ABCD3: variants seen among roughly 807,000 people sequenced by gnomAD.
The protein encoded by ABCD3 is ATP binding cassette subfamily D member 3, also known as ATP-binding cassette sub-family D member 3.
Under a neutral mutation model 105.5 loss-of-function variants are expected in ABCD3, and 41 were observed. The ratio of observed to expected loss-of-function variants is 0.39; its 90% CI spans 0.30 to 0.50. The LOEUF is 0.50. ABCD3 is among the 20% of genes least tolerant of loss of function. The pLI is 0.84. For synonymous variants in ABCD3, 258 were observed against 269.0 expected, an observed-to-expected ratio of 0.96 and a Z score of 0.40; for missense variants, 622 against 806.3, an observed-to-expected ratio of 0.77 and a Z score of 2.77.
intron 1 of ABCD3, among the ~76,000 whole-genome samples, chr1:94,428,076 T>G (rs988956939): frequency 6.6e-6 from 1 of 150,882 alleles, no homozygotes; most frequent in South Asian, 2.1e-4. Context: ...GGTGTTTTGT[T>G]TTTTTTTTTA....
At chr1:94,474,177 A>G (rs1217359984) in intron 5 of ABCD3, among the ~76,000 whole-genome samples, 2 of 147,090 alleles carry the variant, frequency 1.4e-5, no homozygotes, top group Non-Finnish European at 3.0e-5. Context: ...CCCTTCTCCT[A>G]GTTCTAACAA....
intron 4 of ABCD3, among the ~76,000 whole-genome samples, chr1:94,470,353 C>G (rs542424796): frequency 2.0e-5 from 3 of 152,162 alleles, no homozygotes; most frequent in South Asian, 2.1e-4. Flanking sequence ...TGGGCCCCAC[C>G]ACTAGAGATT....
chr1:94,484,141 C>T (rs1217258793), intron 10 of ABCD3, among the ~76,000 whole-genome samples: 2 of 151,938 alleles, frequency 1.3e-5, no homozygotes, highest in African/African-American at 4.8e-5. Context: ...CAGGAAACAA[C>T]GTGCTGGAGA....
chr1:94,444,014 C>G (rs750749270), intron 1 of ABCD3, among the ~76,000 whole-genome samples: 2 of 151,780 alleles, frequency 1.3e-5, no homozygotes, highest in Non-Finnish European at 2.9e-5. Context: ...TTTTTTATTT[C>G]ATTATTTTTT....
chr1:94,419,939 C>G (rs975459487), intron 1 of ABCD3, among the ~76,000 whole-genome samples: 1 of 152,086 alleles, frequency 6.6e-6, no homozygotes, highest in African/African-American at 2.4e-5. Context: ...CTCCCAGTTG[C>G]AAATAGAAGT....
At chr1:94,481,448 A>C (rs1311075463) in intron 9 of ABCD3, 5 of 152,296 alleles carry the variant, frequency 3.3e-5, no homozygotes, top group African/African-American at 4.8e-5. Flanking sequence ...TTTGCCAAGT[A>C]AATGAAAGAT....
At chr1:94,400,276 G>A in the ABCD3 span, among the ~76,000 whole-genome samples, 1 of 151,924 alleles carries the variant, frequency 6.6e-6, no homozygotes, top group East Asian at 1.9e-4. Context: ...CAGCTTGGTG[G>A]CAGCTGCAAC....
intron 20 of ABCD3, among the ~76,000 whole-genome samples, chr1:94,506,153 T>C (rs2101054569): frequency 6.6e-6 from 1 of 152,290 alleles, no homozygotes; most frequent in African/African-American, 2.4e-5. Context: ...CAACAAAATA[T>C]TTAAAATAGA....
At chr1:94,401,949 T>C in the ABCD3 span, among the ~76,000 whole-genome samples, 1 of 152,242 alleles carries the variant, frequency 6.6e-6, no homozygotes, top group Non-Finnish European at 1.5e-5. Flanking sequence ...AGTTCCTTCA[T>C]GCCATCTTCC....
the ABCD3 span, among the ~76,000 whole-genome samples, chr1:94,388,657 C>T: frequency 6.6e-6 from 1 of 152,096 alleles, no homozygotes; most frequent in Non-Finnish European, 1.5e-5. Flanking sequence ...ATTCAGATCA[C>T]GTGGCCACAG....
chr1:94,498,508 G>A, intron 16 of ABCD3, 94 bp from the exon 17 acceptor site: 1 of 1,254,582 alleles, frequency 8.0e-7, no homozygotes, highest in African/African-American at 1.5e-5. Context: ...TAATTAGCCA[G>A]GAGCTATTAA....
At chr1:94,394,080 T>G in the ABCD3 span, among the ~76,000 whole-genome samples, 1 of 152,240 alleles carries the variant, frequency 6.6e-6, no homozygotes, top group Non-Finnish European at 1.5e-5. Context: ...GTTATTTTAA[T>G]ATGCCTCAAC....
At chr1:94,459,288 T>C (rs1323782684) in intron 2 of ABCD3, among the ~76,000 whole-genome samples, 2 of 152,086 alleles carry the variant, frequency 1.3e-5, no homozygotes, top group Non-Finnish European at 2.9e-5. Flanking sequence ...CTAAGCAATC[T>C]TGATTCCTTC....
chr1:94,388,327 G>C, the ABCD3 span, among the ~76,000 whole-genome samples: 2 of 151,992 alleles, frequency 1.3e-5, no homozygotes, highest in African/African-American at 4.8e-5. Context: ...GACTGTAAAG[G>C]GTATATGTAG....
intron 1 of ABCD3, among the ~76,000 whole-genome samples, chr1:94,421,400 C>G (rs1659253951): frequency 6.6e-6 from 1 of 152,174 alleles, no homozygotes; most frequent in Admixed American, 6.5e-5. Context: ...ACTCCTGATT[C>G]CAGCACTGCT....
At chr1:94,396,885 T>A in the ABCD3 span, among the ~76,000 whole-genome samples, 5 of 152,150 alleles carry the variant, frequency 3.3e-5, no homozygotes, top group South Asian at 1.0e-3. Flanking sequence ...TCTAGTCTCA[T>A]GTGATTTGCA....
rs558332804 is a variant in ABCD3 at position 94,423,389 on chromosome 1, C to G, written c.110+4801C>G. On this transcript the variant is annotated intron_variant, in intron 1 of 22. Transcript: ENST00000370214. ...GAGTTTCCTGCTTTTAAAAGCCCCC[C>G]TCTGTAAATGGTGGGAACACAGTTT... 2.6e-5 allele frequency among the ~76,000 whole-genome samples: 4 copies of G among 152,322 alleles called. No homozygotes were observed. The South Asian group carries it at 8.3e-4, about 32-fold the overall frequency.
intron 16 of ABCD3, among the ~76,000 whole-genome samples, chr1:94,492,398 C>A (rs1455649313): frequency 6.6e-6 from 1 of 152,138 alleles, no homozygotes; most frequent in Non-Finnish European, 1.5e-5. Context: ...CTACTTTCTT[C>A]TCAATGAATT....
chr1:94,473,970 A>G (rs1648610290), intron 5 of ABCD3, 135 bp downstream of exon 5: 1 of 675,258 alleles, frequency 1.5e-6, no homozygotes, highest in Admixed American at 2.9e-5. Flanking sequence ...TTTGTAATTT[A>G]TAATATAATT....
Sources: allele counts gnomAD v4.1 joint callset (sites outside exome capture counted in the v4.1 genomes callset), GRCh38; gene constraint gnomAD v4.1.1; transcripts MANE v1.5; gene names NCBI Gene and HGNC (gene_info 2026-07-23, HGNC 2026-07-21).